The following ERI3 variants were observed in gnomAD, a reference collection of about 807,000 sequenced individuals.
The protein encoded by ERI3 is ERI1 exoribonuclease 3.
In ERI3, 18 loss-of-function variants were observed where a neutral mutation model predicts 44.4. The ratio of observed to expected loss-of-function variants is 0.41; its 90% CI spans 0.28 to 0.60. ERI3 has a LOEUF of 0.60. ERI3 is among the 20% of genes least tolerant of loss of function. The probability of loss-of-function intolerance (pLI) is 0.36; values close to 1 mark genes in which losing one functional copy is unlikely to be tolerated. For synonymous variants in ERI3, 183 were observed against 164.8 expected (o/e 1.11, Z -0.84); for missense variants, 294 against 435.5 (o/e 0.68, Z 2.89).
chr1:44,276,703 T>C (rs1645186842), intron 7 of ERI3, among the ~76,000 whole-genome samples: 1 of 152,220 alleles, frequency 6.6e-6, no homozygotes, highest in Non-Finnish European at 1.5e-5. Flanking sequence ...TATTTACTTT[T>C]TCCATATCCA....
rs112214766 is a variant in ERI3, at chr1:44,307,059, A to G, written c.758+1251T>C. Among the ~76,000 whole-genome samples, 826 of 152,316 alleles carry G rather than the reference A, an allele frequency of 5.4e-3. 7 individuals are homozygous for G. The highest frequency in any genetic ancestry group is 0.019 in the African/African-American group (780 of 41,566). ...ATATCTGCTTCTAGTCCCAGCCTGT[A>G]TAATTTCCCTGACAAAGAGATGTCA... is the stretch of plus-strand genomic sequence containing the variant. On this transcript the variant is annotated intron_variant, in intron 6 of 8. Coordinates refer to ENST00000372257, the MANE Select transcript of ERI3 (RefSeq NM_024066.3).
chr1:44,316,776 CATG>C, intron 4 of ERI3, among the ~76,000 whole-genome samples: 1 of 151,638 alleles, frequency 6.6e-6, no homozygotes, highest in Non-Finnish European at 1.5e-5. Flanking sequence ...GTTTTTTTTT[CATG>C]ATAACAACAA....
chr1:44,250,249 G>A (rs931825712), intron 7 of ERI3, among the ~76,000 whole-genome samples: 1 of 152,254 alleles, frequency 6.6e-6, no homozygotes. Flanking sequence ...CGGGCGGGCG[G>A]CAGGGCTGCC....
intron 7 of ERI3, among the ~76,000 whole-genome samples, chr1:44,272,140 G>C (rs1423077620): frequency 6.6e-6 from 1 of 152,184 alleles, no homozygotes; most frequent in African/African-American, 2.4e-5. Context: ...GTCAACTCTA[G>C]AAGGTGGATA....
rs574345431 is a variant in ERI3 at position 44,235,337 on chromosome 1, C to T, written c.931+12602G>A. On this transcript the variant is annotated intron_variant, in intron 8 of 8. Coordinates refer to ENST00000372257, the MANE Select transcript of ERI3 (RefSeq NM_024066.3). This position sits in a 1 kb window ranked among gnomAD's most constrained non-coding sequence, Gnocchi z 4.6. The stretch of plus-strand genomic sequence containing the variant: ...CTTCTCACCTGGCTCATTGCCTTCA[C>T]CTCTCAGGACCCAGGCTTGCTAGTG... Among the ~76,000 whole-genome samples the T allele has an allele frequency of 6.6e-6, 1 of 152,286 alleles. No individual in the cohort carries two copies. Among genetic ancestry groups the T allele is most frequent in the South Asian group, 2.1e-4 (1 of 4,816 alleles).
intron 6 of ERI3, among the ~76,000 whole-genome samples, chr1:44,297,367 C>G (rs1645632240): frequency 6.6e-6 from 1 of 152,024 alleles, no homozygotes; most frequent in African/African-American, 2.4e-5. Context: ...GCCTTCAACT[C>G]CTAAGACCTC....
At chr1:44,262,924 C>T (rs939567736) in intron 7 of ERI3, among the ~76,000 whole-genome samples, 1 of 152,206 alleles carries the variant, frequency 6.6e-6, no homozygotes, top group Non-Finnish European at 1.5e-5. Context: ...TGCCTACTCC[C>T]ACCGTTCACT....
intron 6 of ERI3, among the ~76,000 whole-genome samples, chr1:44,302,610 CCCA>C (rs1645749699): frequency 1.3e-5 from 2 of 152,218 alleles, no homozygotes; most frequent in East Asian, 1.9e-4. Context: ...CCTAATCATC[CCCA>C]CCACATCTCC....
intron 4 of ERI3, among the ~76,000 whole-genome samples, chr1:44,314,156 G>T (rs1325219820): frequency 1.3e-5 from 2 of 151,566 alleles, no homozygotes; most frequent in African/African-American, 2.4e-5. Context: ...AGTGTGTTGG[G>T]GGGGGGGAGA....
At chr1:44,286,383 G>A (rs777319701) in intron 6 of ERI3, among the ~76,000 whole-genome samples, 1 of 152,146 alleles carries the variant, frequency 6.6e-6, no homozygotes, top group Non-Finnish European at 1.5e-5. Context: ...AGGCACCTAG[G>A]AGATATCTGG....
At chr1:44,289,565 A>C (rs990319815) in intron 6 of ERI3, among the ~76,000 whole-genome samples, 2 of 152,246 alleles carry the variant, frequency 1.3e-5, no homozygotes, top group African/African-American at 4.8e-5. Context: ...ATATAGAGGA[A>C]ACAGGGGTGT....
chr1:44,304,814 G>C (rs1645799735), intron 6 of ERI3, among the ~76,000 whole-genome samples: 1 of 152,106 alleles, frequency 6.6e-6, no homozygotes. Context: ...TGAACTTCAG[G>C]TCCACACCTG....
intron 3 of ERI3, among the ~76,000 whole-genome samples, chr1:44,334,158 G>C (rs1646486748): frequency 6.6e-6 from 1 of 152,226 alleles, no homozygotes; most frequent in Admixed American, 6.5e-5. Context: ...CGGATGGGGA[G>C]AGCTGTGCTG....
At chr1:44,302,702 C>T (rs771402141) in intron 6 of ERI3, among the ~76,000 whole-genome samples, 2 of 152,184 alleles carry the variant, frequency 1.3e-5, no homozygotes, top group Non-Finnish European at 2.9e-5. Flanking sequence ...CAACAGCCCA[C>T]GGTGTCAGAA....
intron 7 of ERI3, among the ~76,000 whole-genome samples, chr1:44,261,736 A>C (rs1299909478): frequency 6.6e-6 from 1 of 152,134 alleles, no homozygotes; most frequent in Non-Finnish European, 1.5e-5. Flanking sequence ...CTTCCCTTCC[A>C]ATCCTGCTTT....
At chr1:44,268,310 C>G (rs1645028246) in intron 7 of ERI3, among the ~76,000 whole-genome samples, 1 of 151,934 alleles carries the variant, frequency 6.6e-6, no homozygotes, top group Admixed American at 6.5e-5. Flanking sequence ...TGTCCCAGCC[C>G]AGGCAGAGCA....
At chr1:44,299,373 A>G (rs866478944) in intron 6 of ERI3, among the ~76,000 whole-genome samples, 5 of 151,864 alleles carry the variant, frequency 3.3e-5, no homozygotes, top group Middle Eastern at 6.8e-3. Flanking sequence ...TTTTATTTTT[A>G]ATAGAGACAG....
At chr1:44,325,342 T>C (rs1459428794) in intron 3 of ERI3, among the ~76,000 whole-genome samples, 5 of 152,270 alleles carry the variant, frequency 3.3e-5, no homozygotes, top group African/African-American at 1.2e-4. Flanking sequence ...CCCAAAGTGC[T>C]GGGATTACAG....
At chr1:44,225,054 C>G (rs1368286141) in intron 8 of ERI3, among the ~76,000 whole-genome samples, 1 of 152,174 alleles carries the variant, frequency 6.6e-6, no homozygotes, top group East Asian at 1.9e-4. Flanking sequence ...AGAGAGAGAG[C>G]AGCAGGGTGT....
Sources: allele counts gnomAD v4.1 joint callset (sites outside exome capture counted in the v4.1 genomes callset), GRCh38; gene constraint gnomAD v4.1.1; non-coding constraint Gnocchi (gnomAD v3.1); transcripts MANE v1.5; gene names NCBI Gene and HGNC (gene_info 2026-07-23, HGNC 2026-07-21).